ARHGAP22: variants seen among roughly 807,000 people sequenced by gnomAD.
ARHGAP22 encodes rho GTPase-activating protein 22.
Under a neutral mutation model 59.1 loss-of-function variants are expected in ARHGAP22, and 48 were observed. The ratio of observed to expected loss-of-function variants is 0.81; its 90% confidence interval spans 0.64 to 1.03. The LOEUF is 1.03. Ranked by LOEUF, ARHGAP22 falls within the 50% of genes least tolerant of loss-of-function variation. The probability of loss-of-function intolerance (pLI) is 0.00; values close to 1 mark genes in which losing one functional copy is unlikely to be tolerated. For missense variants in ARHGAP22, 1,015 were observed against 958.7 expected (o/e 1.06, Z -0.78); for synonymous variants, 445 against 416.4 (o/e 1.07, Z -0.84).
chr10:48,626,219 T>C (rs774727439), intron 1 of ARHGAP22, among the ~76,000 whole-genome samples: 2 of 152,164 alleles, frequency 1.3e-5, no homozygotes, highest in African/African-American at 2.4e-5. Context: ...CCCAGGGGGC[T>C]TTCTTGATTT....
chr10:48,456,247 C>T (rs190772322), intron 5 of ARHGAP22, among the ~76,000 whole-genome samples: 4 of 152,310 alleles, frequency 2.6e-5, no homozygotes, highest in Non-Finnish European at 2.9e-5. Flanking sequence ...CACCTGATCC[C>T]GGATGAATCC....
chr10:48,450,326 C>A lies in ARHGAP22; in HGVS notation c.1803G>T (p.Gly601=). Residue 601 remains glycine, a synonymous_variant, in exon 9 of 10, where the codon GGG becomes GGT. Coordinates refer to ENST00000249601, the MANE Select transcript of ARHGAP22 (RefSeq NM_021226.4). ...GCTCGGCCCTGAGCTCAGTGACCAG[C>A]CCCTGTAAGGCCTCGGAGCGGCGCG... is the stretch of plus-strand genomic sequence containing the variant. ...EHARRSEALQ[G]LVTELRAELC... The A allele has an allele frequency of 6.2e-7, 1 of 1,604,858 alleles. No individual in the cohort carries two copies. The highest frequency in any genetic ancestry group is 1.1e-5 in the South Asian group (1 of 89,440).
chr10:48,479,806 C>T (rs1468450773), intron 3 of ARHGAP22, 42 bp from the exon 4 acceptor site: 8 of 1,509,950 alleles, frequency 5.3e-6, no homozygotes, highest in African/African-American at 1.4e-5. Flanking sequence ...GGTCCCTGCC[C>T]GCAGCACACT....
chr10:48,549,241 A>C (rs1338735163), intron 3 of ARHGAP22, among the ~76,000 whole-genome samples: 1 of 152,190 alleles, frequency 6.6e-6, no homozygotes, highest in Non-Finnish European at 1.5e-5. Flanking sequence ...AGTCCCAGCT[A>C]CTATTGAGAT....
chr10:48,650,849 C>T (rs562525217), intron 1 of ARHGAP22, among the ~76,000 whole-genome samples: 15 of 152,186 alleles, frequency 9.9e-5, no homozygotes, highest in Non-Finnish European at 2.1e-4. Context: ...GCTGCTCCCC[C>T]ACCCCCTATT....
rs1485661888 is a variant in ARHGAP22 at position 48,450,544 on chromosome 10, A to G, written c.1585T>C (p.Cys529Arg). The G allele has an allele frequency of 6.6e-7, 1 of 1,521,206 alleles. No homozygotes were observed. Among genetic ancestry groups the G allele is most frequent in the Admixed American group, 2.0e-5 (1 of 49,472 alleles). 94.2% of individuals were successfully genotyped at this position (1,521,206 alleles called of 1,614,324 possible). ...GAGTCGCTGGCGCGGCAGGCCGTGCAGCTGCTGAGTGAGCCCCCCACCGAC... is the reference window on the plus strand; with the variant it reads ...GAGTCGCTGGCGCGGCAGGCCGTGCGGCTGCTGAGTGAGCCCCCCACCGAC... ...ESSVGGSLSS[C>R]TACRASDSSA... Residue 529 changes from cysteine to arginine, a missense_variant, in exon 9 of 10, where the codon TGC (cysteine) becomes CGC (arginine). Cys to Arg is a radical substitution (Grantham distance 180). Transcript: ENST00000249601.
rs148526899 is a variant in ARHGAP22 at position 48,450,675 on chromosome 10, G to C, written c.1454C>G (p.Ser485Cys). The C allele has an allele frequency of 2.6e-4, 401 of 1,550,730 alleles. No individual in the cohort carries two copies. In the African/African-American group the frequency reaches 4.9e-3, roughly 19 times the overall value. Residue 485 changes from serine to cysteine, a missense_variant, in exon 9 of 10, where the codon TCC becomes TGC. By Grantham distance (112) the Ser-to-Cys change is moderately radical (BLOSUM62 -1). Coordinates refer to ENST00000249601, the MANE Select transcript of ARHGAP22 (RefSeq NM_021226.4). ...SSGDRLKDSGSVQRLSTYDNV... is the reference protein window; with the variant it reads ...SSGDRLKDSGCVQRLSTYDNV... Reference sequence around the variant, plus strand: ...GTCGTAGGTGGAGAGTCTCTGCACGGAGCCCGAGTCCTTGAGCCGGTCTCC... The same window carrying C: ...GTCGTAGGTGGAGAGTCTCTGCACGCAGCCCGAGTCCTTGAGCCGGTCTCC...
intron 1 of ARHGAP22, among the ~76,000 whole-genome samples, chr10:48,644,320 T>A (rs2062197733): frequency 1.3e-5 from 2 of 152,232 alleles, no homozygotes; most frequent in Non-Finnish European, 2.9e-5. Flanking sequence ...AACAGAGGAC[T>A]AATTAATTAG....
intron 4 of ARHGAP22, among the ~76,000 whole-genome samples, chr10:48,464,906 G>A (rs1376336633): frequency 6.6e-6 from 1 of 152,188 alleles, no homozygotes; most frequent in Non-Finnish European, 1.5e-5. Flanking sequence ...TGGAACCCTT[G>A]GAGGGGAGCT....
intron 1 of ARHGAP22, among the ~76,000 whole-genome samples, chr10:48,638,622 T>A (rs549015549): frequency 6.6e-6 from 1 of 152,266 alleles, no homozygotes; most frequent in South Asian, 2.1e-4. Context: ...CTCAGGAAGG[T>A]CACCTGACCA....
chr10:48,524,570 C>A (rs2054158129), intron 3 of ARHGAP22, among the ~76,000 whole-genome samples: 1 of 152,094 alleles, frequency 6.6e-6, no homozygotes, highest in African/African-American at 2.4e-5. Context: ...GAAGAAGGGG[C>A]GCCCTCGCTG....
upstream of ARHGAP22, among the ~76,000 whole-genome samples, chr10:48,607,019 G>A (rs2060706655): frequency 6.6e-6 from 1 of 152,178 alleles, no homozygotes; most frequent in Non-Finnish European, 1.5e-5. Context: ...CACCCATGAG[G>A]AGTGGGGAGA....
intron 3 of ARHGAP22, among the ~76,000 whole-genome samples, chr10:48,480,888 C>T (rs2049237797): frequency 6.6e-6 from 1 of 152,256 alleles, no homozygotes; most frequent in South Asian, 2.1e-4. Context: ...TCCCTCCTGC[C>T]ATCTCTCCGC....
intron 1 of ARHGAP22, among the ~76,000 whole-genome samples, chr10:48,647,584 T>C (rs2062361386): frequency 8.1e-6 from 1 of 123,330 alleles, no homozygotes; most frequent in Admixed American, 9.1e-5. Context: ...GGGACCCTTA[T>C]GTATGAGGTG....
At chr10:48,654,770 A>ATTTC (rs1345811939), upstream of ARHGAP22, among the ~76,000 whole-genome samples, 172 of 138,408 alleles carry the variant, frequency 1.2e-3, no homozygotes, top group Admixed American at 1.6e-3. Context: ...GGACATGCTG[A>ATTTC]TTACTTTCTT....
chr10:48,443,744 G>T (rs767099369), downstream of ARHGAP22: 5 of 152,148 alleles, frequency 3.3e-5, no homozygotes, highest in Non-Finnish European at 5.9e-5. Flanking sequence ...ACAGACCAGG[G>T]AAACATGGAT....
chr10:48,453,419 C>T lies in ARHGAP22; in HGVS notation c.873G>A (p.Leu291=), dbSNP rs2046178568. The T allele has an allele frequency of 6.2e-7, 1 of 1,613,670 alleles. No individual in the cohort carries two copies. Among genetic ancestry groups the T allele is most frequent in the South Asian group, 1.1e-5 (1 of 91,078 alleles). ...CATTTGAGTATGCCTGAACTTCATC[C>T]AGAAACCTGCAAAGTAAGGAAGCAG... ...YNLLRYICKF[L]DEVQAYSNVN... The change falls in exon 8 of 10, where the codon CTG becomes CTA. Residue 291 remains leucine (L), a synonymous_variant. Transcript: ENST00000249601.
At chr10:48,555,383 A>G (rs1371229098) in intron 3 of ARHGAP22, 80 bp downstream of exon 3, 4 of 1,002,404 alleles carry the variant, frequency 4.0e-6, no homozygotes, top group Non-Finnish European at 5.7e-6. Context: ...GAGGAGTGTC[A>G]CGAAGGTCTG....
chr10:48,551,579 C>T (rs970034930), intron 3 of ARHGAP22, among the ~76,000 whole-genome samples: 24 of 152,228 alleles, frequency 1.6e-4, no homozygotes, highest in African/African-American at 5.5e-4. Context: ...TCCTGCGTGT[C>T]CCCGCAGCTT....
Sources: allele counts gnomAD v4.1 joint callset (sites outside exome capture counted in the v4.1 genomes callset), GRCh38; gene constraint gnomAD v4.1.1; transcripts MANE v1.5; gene names NCBI Gene and HGNC (gene_info 2026-07-23, HGNC 2026-07-21).